The following SLC17A1 variants were observed in gnomAD, a reference collection of about 807,000 sequenced individuals.
The protein encoded by SLC17A1 is sodium-dependent phosphate transport protein 1.
In SLC17A1, 51 loss-of-function variants were observed where a neutral mutation model predicts 53.5. That is an observed-to-expected ratio of 0.95 (90% CI 0.76 to 1.20). The LOEUF (loss-of-function observed/expected upper bound fraction) is 1.20, where lower values mean the gene tolerates loss of function less well. SLC17A1 is among the 50% of genes most tolerant of loss of function. The pLI, the probability that SLC17A1 is intolerant of heterozygous loss-of-function variation, is 0.00. For missense variants in SLC17A1, 538 were observed against 568.2 expected, an observed-to-expected ratio of 0.95 and a Z score of 0.54; for synonymous variants, 179 against 198.8, an observed-to-expected ratio of 0.90 and a Z score of 0.84.
At chr6:25,751,195 T>C in the SLC17A1 span, among the ~76,000 whole-genome samples, 1 of 152,206 alleles carries the variant, frequency 6.6e-6, no homozygotes, top group Non-Finnish European at 1.5e-5. Flanking sequence ...AGACAAGTCA[T>C]ATTCAACCTG....
chr6:25,773,341 C>A, the SLC17A1 span: 1 of 1,613,848 alleles, frequency 6.2e-7, no homozygotes, highest in Non-Finnish European at 8.5e-7. Context: ...GTGAATCATC[C>A]CTTTATCAGT....
At chr6:25,726,693 C>A in the SLC17A1 span, 1 of 1,076,718 alleles carries the variant, frequency 9.3e-7, no homozygotes, top group Non-Finnish European at 1.3e-6. Context: ...ACGCCACTTC[C>A]CATTGTCCAA....
the SLC17A1 span, among the ~76,000 whole-genome samples, chr6:25,753,728 G>T: frequency 9.2e-5 from 14 of 152,092 alleles, no homozygotes; most frequent in African/African-American, 2.7e-4. Context: ...AGTAGGGTTG[G>T]AGGGAGATTC....
the SLC17A1 span, chr6:25,732,056 C>T: frequency 4.0e-6 from 5 of 1,265,240 alleles, no homozygotes; most frequent in South Asian, 3.0e-5. Context: ...TAGAATAGCT[C>T]TCTTTGCGGC....
At chr6:25,762,825 A>G in the SLC17A1 span, among the ~76,000 whole-genome samples, 1 of 152,242 alleles carries the variant, frequency 6.6e-6, no homozygotes, top group African/African-American at 2.4e-5. Flanking sequence ...ATACTATTCC[A>G]GTAGTCTCGG....
the SLC17A1 span, among the ~76,000 whole-genome samples, chr6:25,761,431 T>C: frequency 6.6e-6 from 1 of 152,202 alleles, no homozygotes; most frequent in African/African-American, 2.4e-5. Context: ...CCCAATCTCA[T>C]GGTCACTGAA....
At chr6:25,769,312 T>C in the SLC17A1 span, 2 of 943,674 alleles carry the variant, frequency 2.1e-6, no homozygotes, top group East Asian at 2.6e-5. Context: ...GTGCCAGGAA[T>C]GGCACAAGTA....
intron 12 of SLC17A1, among the ~76,000 whole-genome samples, chr6:25,784,178 C>T (rs1376985692): frequency 6.6e-6 from 1 of 152,138 alleles, no homozygotes; most frequent in African/African-American, 2.4e-5. Context: ...CTTACATTGC[C>T]TAATAACTGT....
At chr6:25,791,896 T>G (rs1424919300) in intron 12 of SLC17A1, among the ~76,000 whole-genome samples, 1 of 152,236 alleles carries the variant, frequency 6.6e-6, no homozygotes, top group African/African-American at 2.4e-5. Context: ...TCCTACTACT[T>G]ACGTGGCTTC....
At chr6:25,785,068 G>A (rs1763351837) in intron 12 of SLC17A1, among the ~76,000 whole-genome samples, 1 of 152,058 alleles carries the variant, frequency 6.6e-6, no homozygotes, top group African/African-American at 2.4e-5. Context: ...CAGGACACAA[G>A]ATCAATATAC....
the SLC17A1 span, among the ~76,000 whole-genome samples, chr6:25,770,693 A>AAAT: frequency 6.6e-6 from 1 of 152,194 alleles, no homozygotes; most frequent in Non-Finnish European, 1.5e-5. Flanking sequence ...CTTATCCTCA[A>AAAT]AATAATTTTA....
At chr6:25,829,738 G>C (rs1056890650) in intron 2 of SLC17A1, among the ~76,000 whole-genome samples, 1 of 152,004 alleles carries the variant, frequency 6.6e-6, no homozygotes, top group Non-Finnish European at 1.5e-5. Flanking sequence ...CATGGACAGA[G>C]TAAAATGTGC....
intron 2 of SLC17A1, among the ~76,000 whole-genome samples, chr6:25,828,115 G>C (rs1764817511): frequency 6.6e-6 from 1 of 152,144 alleles, no homozygotes; most frequent in Non-Finnish European, 1.5e-5. Context: ...CGTAATGGTG[G>C]AACAGGTGTA....
intron 12 of SLC17A1, among the ~76,000 whole-genome samples, chr6:25,797,269 C>T (rs1000630489): frequency 1.3e-5 from 2 of 152,196 alleles, no homozygotes; most frequent in African/African-American, 4.8e-5. Context: ...TATTCTCTCT[C>T]TCTTGATTTC....
At chr6:25,802,792 TTC>T (rs977167470) in intron 10 of SLC17A1, among the ~76,000 whole-genome samples, 15 of 151,918 alleles carry the variant, frequency 9.9e-5, no homozygotes, top group Non-Finnish European at 1.8e-4. Flanking sequence ...AAAGATTTTG[TTC>T]TCTCTCAGTC....
the SLC17A1 span, chr6:25,726,110 T>C: frequency 2.0e-6 from 3 of 1,505,208 alleles, no homozygotes; most frequent in South Asian, 2.8e-5. Flanking sequence ...ACAGAAGTCT[T>C]TTTACCAATG....
chr6:25,802,217 T>C (rs1458831043), intron 10 of SLC17A1, among the ~76,000 whole-genome samples: 1 of 152,200 alleles, frequency 6.6e-6, no homozygotes, highest in African/African-American at 2.4e-5. Context: ...TACGAGTTTG[T>C]TTTTTATCTT....
chr6:25,768,394 G>C, the SLC17A1 span: 1 of 987,522 alleles, frequency 1.0e-6, no homozygotes, highest in African/African-American at 1.7e-5. Flanking sequence ...CTCAACCACA[G>C]GGATATCCCC....
chr6:25,827,850 G>T (rs1271230872), intron 2 of SLC17A1, among the ~76,000 whole-genome samples: 2 of 152,070 alleles, frequency 1.3e-5, no homozygotes, highest in Admixed American at 6.6e-5. Context: ...TCCACCATCT[G>T]GCCCTTAAAG....
Sources: gnomAD v4.1 joint callset for allele counts (sites outside exome capture counted in the v4.1 genomes callset) on GRCh38, gnomAD v4.1.1 for gene constraint, MANE v1.5 for transcripts, NCBI Gene and HGNC (gene_info 2026-07-23, HGNC 2026-07-21) for gene names.